ROBO1: variants seen among roughly 807,000 people sequenced by gnomAD.
ROBO1 encodes roundabout guidance receptor 1.
A neutral mutation model predicts 195.9 loss-of-function variants in ROBO1; 149 were observed. The observed-to-expected ratio is 0.76, with a 90% confidence interval of 0.67 to 0.87. The LOEUF (loss-of-function observed/expected upper bound fraction) is 0.87, where lower values mean the gene tolerates loss of function less well. ROBO1 is among the 40% of genes least tolerant of loss of function. The pLI, the probability that ROBO1 is intolerant of heterozygous loss-of-function variation, is 0.00. For missense variants in ROBO1, 1,933 were observed against 2,068.3 expected (o/e 0.93, Z 1.27); for synonymous variants, 816 against 733.2 (o/e 1.11, Z -1.82).
chr3:78,686,590 A>C (rs116048735), intron 9 of ROBO1, among the ~76,000 whole-genome samples: 1 of 152,236 alleles, frequency 6.6e-6, no homozygotes, highest in Non-Finnish European at 1.5e-5. Flanking sequence ...CATTATGGTA[A>C]AAAATGTTGA....
chr3:79,110,134 T>C (rs2079859211), intron 3 of ROBO1, among the ~76,000 whole-genome samples: 1 of 152,122 alleles, frequency 6.6e-6, no homozygotes, highest in Non-Finnish European at 1.5e-5. Flanking sequence ...TAAAACCTAC[T>C]TTGCCAAGCT....
rs187674913 is a variant in ROBO1, at chr3:78,610,756, G to A, written c.4436-3715C>T. Reference sequence around the variant, plus strand: ...GAAGAGAACCTGATGATAATTTAAAGAATTCTAACTTCCTATATATATTTG... The same window carrying A: ...GAAGAGAACCTGATGATAATTTAAAAAATTCTAACTTCCTATATATATTTG... On this transcript the variant is annotated intron_variant, in intron 28 of 30. Transcript: ENST00000464233. Among the ~76,000 whole-genome samples the A allele has an allele frequency of 3.2e-3, 491 of 152,208 alleles. 9 individuals carry two copies. Among genetic ancestry groups the A allele is most frequent in the Admixed American group, 0.023 (355 of 15,286 alleles).
chr3:79,211,139 A>AT (rs1242090948), intron 2 of ROBO1, among the ~76,000 whole-genome samples: 2 of 151,934 alleles, frequency 1.3e-5, no homozygotes, highest in African/African-American at 2.4e-5. Flanking sequence ...TAATTAAAGA[A>AT]TTTTTTTAGT....
intron 2 of ROBO1, among the ~76,000 whole-genome samples, chr3:79,516,206 T>C (rs1033294953): frequency 1.3e-5 from 2 of 152,190 alleles, no homozygotes; most frequent in African/African-American, 2.4e-5. Flanking sequence ...TTAGTATAAT[T>C]AAAATAATTC....
chr3:79,730,454 CAT>C (rs1306797863), intron 1 of ROBO1, among the ~76,000 whole-genome samples: 1 of 152,220 alleles, frequency 6.6e-6, no homozygotes, highest in East Asian at 1.9e-4. Context: ...CTCATAAACA[CAT>C]ATTTTAATTT....
chr3:78,935,641 T>G lies in ROBO1; in HGVS notation c.499+2960A>C, dbSNP rs142302958. ...GCAAGAAAATACAACTCGTAAGACC[T>G]TCTTAGAAAGTTGGGTTTGAAATTG... On this transcript the variant is annotated intron_variant, in intron 4 of 30. Coordinates refer to ENST00000464233, the MANE Select transcript of ROBO1 (RefSeq NM_002941.4). Among the ~76,000 whole-genome samples the G allele has an allele frequency of 3.3e-4, 50 of 152,152 alleles. 1 individual carries two copies. The East Asian group carries it at 9.4e-3, about 29-fold the overall frequency.
chr3:79,703,549 T>C (rs1332576047), intron 1 of ROBO1, among the ~76,000 whole-genome samples: 1 of 151,936 alleles, frequency 6.6e-6, no homozygotes, highest in African/African-American at 2.4e-5. Context: ...CTTCATAATT[T>C]TGAACAATTC....
At chr3:78,682,830 T>G (rs559908148) in intron 10 of ROBO1, among the ~76,000 whole-genome samples, 2 of 150,980 alleles carry the variant, frequency 1.3e-5, no homozygotes, top group East Asian at 1.9e-4. Context: ...ACAGTTGACT[T>G]TTTTATATTA....
intron 1 of ROBO1, among the ~76,000 whole-genome samples, chr3:79,648,851 CAT>C (rs1465230269): frequency 1.3e-5 from 2 of 152,002 alleles, no homozygotes; most frequent in Non-Finnish European, 2.9e-5. Context: ...TAAGGCCAAA[CAT>C]AGAATAATTA....
At chr3:79,222,095 T>G (rs1171747758) in intron 2 of ROBO1, among the ~76,000 whole-genome samples, 1 of 152,100 alleles carries the variant, frequency 6.6e-6, no homozygotes, top group Non-Finnish European at 1.5e-5. Context: ...CTTACAGATT[T>G]GTAATTCTTC....
chr3:79,018,781 T>C, intron 3 of ROBO1: 1 of 1,095,388 alleles, frequency 9.1e-7, no homozygotes, highest in Non-Finnish European at 1.1e-6. Flanking sequence ...GTTTCCTGCC[T>C]CCACGGTCTT....
intron 1 of ROBO1, among the ~76,000 whole-genome samples, chr3:79,705,028 G>A: frequency 6.6e-6 from 1 of 151,790 alleles, no homozygotes; most frequent in Non-Finnish European, 1.5e-5. Context: ...TTTTAATCAG[G>A]TTGTTTTGCT....
At position 79,627,021 on chromosome 3, in the gene ROBO1, A is replaced by T. The variant is rs530947060; in HGVS notation, c.-50-37060T>A. 3.3e-5 allele frequency among the ~76,000 whole-genome samples: 5 copies of T among 152,280 alleles called. No homozygotes were observed. The East Asian group carries it at 9.6e-4, about 29-fold the overall frequency. ...TAAGGGATGACCTAAACAGAAAAAC[A>T]TTCCATCCTCATGGATAGGAAGAAT... On this transcript the variant is annotated intron_variant, in intron 1 of 30. Transcript: ENST00000464233.
chr3:79,125,286 T>G (rs2108571715), intron 3 of ROBO1, among the ~76,000 whole-genome samples, 170 bp downstream of exon 3: 1 of 152,338 alleles, frequency 6.6e-6, no homozygotes, highest in Non-Finnish European at 1.5e-5. Context: ...TAAAAGTGTT[T>G]ACTTTAGCAA....
chr3:78,616,446 G>C (rs1704119655), intron 27 of ROBO1, among the ~76,000 whole-genome samples: 1 of 152,058 alleles, frequency 6.6e-6, no homozygotes, highest in East Asian at 1.9e-4. Flanking sequence ...ACAATAATAA[G>C]TTGAGAGATA....
At chr3:78,883,509 G>A (rs2036310264) in intron 4 of ROBO1, among the ~76,000 whole-genome samples, 1 of 151,712 alleles carries the variant, frequency 6.6e-6, no homozygotes. Flanking sequence ...AGCCTCCTGA[G>A]TAGCTGGGAC....
chr3:79,313,483 C>T (rs2033586398), intron 2 of ROBO1, among the ~76,000 whole-genome samples: 1 of 152,140 alleles, frequency 6.6e-6, no homozygotes, highest in African/African-American at 2.4e-5. Context: ...TCCTTCAATG[C>T]TTTTAGAAGC....
At chr3:79,215,521 TA>T (rs2108812884) in intron 2 of ROBO1, among the ~76,000 whole-genome samples, 2 of 152,268 alleles carry the variant, frequency 1.3e-5, no homozygotes, top group South Asian at 4.1e-4. Context: ...CTAAGTTGCC[TA>T]AATTAAATGA....
intron 3 of ROBO1, among the ~76,000 whole-genome samples, chr3:79,033,503 T>C (rs575636881): frequency 1.3e-5 from 2 of 152,268 alleles, no homozygotes; most frequent in South Asian, 4.1e-4. Flanking sequence ...ACAAAAGTGA[T>C]AATGCCCCAA....
Sources: gnomAD v4.1 joint callset for allele counts (sites outside exome capture counted in the v4.1 genomes callset) on GRCh38, gnomAD v4.1.1 for gene constraint, MANE v1.5 for transcripts, NCBI Gene and HGNC (gene_info 2026-07-23, HGNC 2026-07-21) for gene names.